The following SPINT2 variants were observed in gnomAD, a reference collection of about 807,000 sequenced individuals.
SPINT2 encodes the protein kunitz-type protease inhibitor 2.
A neutral mutation model predicts 30.1 loss-of-function variants in SPINT2; 18 were observed. That is an observed-to-expected ratio of 0.60 (90% CI 0.41 to 0.89). SPINT2 has a LOEUF of 0.89. Ranked by LOEUF, SPINT2 falls within the 40% of genes least tolerant of loss-of-function variation. The pLI is 0.00. For synonymous variants in SPINT2, 139 were observed against 137.9 expected (o/e 1.01, Z -0.05); for missense variants, 276 against 334.3 (o/e 0.83, Z 1.36).
At chr19:38,288,373 C>A (rs112720365) in intron 3 of SPINT2, 45 of 302,346 alleles carry the variant, frequency 1.5e-4, no homozygotes, top group African/African-American at 9.5e-4. Flanking sequence ...TCCTCTGCCA[C>A]CCCCGCCTCC....
chr19:38,290,255 G>C lies in SPINT2; in HGVS notation c.528G>C (p.Glu176Asp). ...CRGNKNSYRS[E>D]EACMLRCFRQ... ...GCAATAAGAACAGCTACCGCTCTGA[G>C]GAGGCCTGCATGCTCCGCTGCTTCC... The change falls in exon 5 of 7, where the codon GAG becomes GAC. Residue 176 changes from glutamate to aspartate, a missense_variant. By Grantham distance (45) the Glu-to-Asp change is conservative. Transcript: ENST00000301244. The surrounding 1 kb of genome is among the most constrained non-coding windows in gnomAD (Gnocchi z 4.3). 1.2e-6 allele frequency: 2 copies of C among 1,612,244 alleles called. No individual in the cohort carries two copies. The highest frequency in any genetic ancestry group is 1.7e-6 in the Non-Finnish European group (2 of 1,180,002).
chr19:38,291,635 G>A lies in SPINT2; in HGVS notation c.593-205G>A, dbSNP rs1301431647. 2.8e-5 allele frequency: 17 copies of A among 601,856 alleles called. No individual in the cohort carries two copies. In the East Asian group the frequency reaches 3.4e-4, roughly 12 times the overall value. 37.3% of individuals were successfully genotyped at this position (601,856 alleles called of 1,614,324 possible). ...TCTGCTGGCACGCACATAGCATGGCGCCTCCTTTTTTGGGGGACTCTCCTT... is the reference window on the plus strand; with the variant it reads ...TCTGCTGGCACGCACATAGCATGGCACCTCCTTTTTTGGGGGACTCTCCTT... On this transcript the variant is annotated intron_variant, in intron 6 of 6. Transcript: ENST00000301244.
rs1317352177 is a variant in SPINT2 at position 38,268,764 on chromosome 19, C to CGTGT, written c.106+3767_106+3768insTGTG. ...GAGACAGAGAGAGAGCATGCGCGCG[C>CGTGT]GCGTGTGTGTGTGTGTGTGTGTGTG... On this transcript the variant is annotated intron_variant, in intron 1 of 6. Transcript: ENST00000301244. Among the ~76,000 whole-genome samples the CGTGT allele has an allele frequency of 8.2e-3, 1,154 of 141,344 alleles. 18 individuals carry two copies. Among genetic ancestry groups the CGTGT allele is most frequent in the East Asian group, 0.074 (352 of 4,748 alleles). The allele number at this position is 141,344 out of a possible 152,430, so 92.7% of individuals were successfully genotyped here. A position where few individuals can be genotyped will look rare whatever the true frequency, so the allele number is the denominator to read the frequency against.
intron 2 of SPINT2, among the ~76,000 whole-genome samples, chr19:38,284,565 C>T (rs1175805129): frequency 6.6e-6 from 1 of 152,156 alleles, no homozygotes; most frequent in Non-Finnish European, 1.5e-5. Context: ...CACTCCTCCT[C>T]TTCCCAGAAA....
At chr19:38,274,644 C>G (rs1234121674) in intron 1 of SPINT2, among the ~76,000 whole-genome samples, 1 of 151,934 alleles carries the variant, frequency 6.6e-6, no homozygotes, top group Non-Finnish European at 1.5e-5. Context: ...ACAGCAAAAC[C>G]CTATCTACTG....
intron 1 of SPINT2, among the ~76,000 whole-genome samples, chr19:38,267,652 G>GGT (rs1460968261): frequency 1.3e-5 from 2 of 151,992 alleles, no homozygotes; most frequent in African/African-American, 4.8e-5. Context: ...GAGGAAGCGG[G>GGT]GGGGCGAGGG....
chr19:38,264,777 G>A lies in SPINT2; in HGVS notation c.-116G>A, dbSNP rs1674924292. The A allele has an allele frequency of 1.8e-6, 2 of 1,136,708 alleles. No individual in the cohort carries two copies. The highest frequency in any genetic ancestry group is 2.8e-4 in the Middle Eastern group (1 of 3,518). 70.4% of individuals were successfully genotyped at this position (1,136,708 alleles called of 1,614,324 possible). A position where few individuals can be genotyped will look rare whatever the true frequency, so the allele number is the denominator to read the frequency against. Reference sequence around the variant, plus strand: ...GGCACCTGGCGGACCCTCCCGGAGCGTCGGCACCTGAACGCGAGGCGCTCC... The same window carrying A: ...GGCACCTGGCGGACCCTCCCGGAGCATCGGCACCTGAACGCGAGGCGCTCC... On this transcript the variant is annotated 5_prime_UTR_variant, in exon 1 of 7. Coordinates refer to ENST00000301244, the MANE Select transcript of SPINT2 (RefSeq NM_021102.4).
intron 1 of SPINT2, among the ~76,000 whole-genome samples, chr19:38,267,531 C>T (rs1968394045): frequency 6.6e-6 from 1 of 151,932 alleles, no homozygotes; most frequent in South Asian, 2.1e-4. Context: ...AGTTGAGGTT[C>T]TGAAGGGAAT....
Position 38,290,415 on chromosome 19 carries a change from A to G in SPINT2, c.554-122A>G, listed in dbSNP as rs577573910. 2.2e-5 allele frequency: 35 copies of G among 1,593,878 alleles called. No individual in the cohort carries two copies. Among genetic ancestry groups the G allele is most frequent in the Admixed American group, 1.7e-4 (10 of 57,988 alleles). On this transcript the variant is annotated intron_variant, in intron 5 of 6. Transcript: ENST00000301244. This position sits in a 1 kb window ranked among gnomAD's most constrained non-coding sequence, Gnocchi z 4.3. The stretch of plus-strand genomic sequence containing the variant: ...GGCAGCAAGGCCTCTAAGCCCCAGA[A>G]AAGCTGGAAGAAAGCCCCTCAGAAA...
Position 38,291,904 on chromosome 19 carries a change from C to T in SPINT2, c.657C>T (p.Tyr219=). The T allele has an allele frequency of 6.2e-7, 1 of 1,614,048 alleles. No individual in the cohort carries two copies. The highest frequency in any genetic ancestry group is 8.5e-7 in the Non-Finnish European group (1 of 1,180,012). ...LILFLGASMV[Y]LIRVARRNQE... is the part of the protein sequence containing the mutation. ...TCTTCCTGGGAGCCTCCATGGTCTA[C>T]CTGATCCGGGTGGCACGGAGGAACC... The change falls in exon 7 of 7, where the codon TAC becomes TAT. Residue 219 remains tyrosine (Y), a synonymous_variant. Transcript: ENST00000301244.
rs555530407 is a variant in SPINT2 at position 38,264,880 on chromosome 19, G to A, written c.-13G>A. 38 of 1,533,208 alleles carry A rather than the reference G, an allele frequency of 2.5e-5. No homozygotes were observed. In the South Asian group the frequency reaches 4.3e-4, roughly 17 times the overall value. 95.0% of individuals were successfully genotyped at this position (1,533,208 alleles called of 1,614,324 possible). ...GCTGGTGGCGTCGCCTGCGCGTCTC[G>A]GCTGAGCTGGCCATGGCGCAGCTGT... On this transcript the variant is annotated 5_prime_UTR_variant, in exon 1 of 7. Coordinates refer to ENST00000301244, the MANE Select transcript of SPINT2 (RefSeq NM_021102.4).
intron 1 of SPINT2, among the ~76,000 whole-genome samples, chr19:38,281,122 GTC>G (rs2146273306): frequency 1.3e-5 from 2 of 152,278 alleles, no homozygotes; most frequent in East Asian, 3.9e-4. Context: ...GGTGGGCAGA[GTC>G]ACACACCAGA....
At chr19:38,273,736 A>C (rs1968483261) in intron 1 of SPINT2, among the ~76,000 whole-genome samples, 1 of 152,140 alleles carries the variant, frequency 6.6e-6, no homozygotes, top group Non-Finnish European at 1.5e-5. Context: ...CTCCAGGTGA[A>C]GATAAGACAT....
chr19:38,287,411 G>A (rs575844769), intron 2 of SPINT2, among the ~76,000 whole-genome samples: 5 of 152,140 alleles, frequency 3.3e-5, no homozygotes, highest in Admixed American at 6.5e-5. Context: ...TGTCGGCCAG[G>A]ATGGTCTCGA....
Position 38,265,071 on chromosome 19 carries a change from A to C in SPINT2, c.106+73A>C, listed in dbSNP as rs984720372. On this transcript the variant is annotated intron_variant, in intron 1 of 6. Transcript: ENST00000301244. The stretch of plus-strand genomic sequence containing the variant: ...CTCGGGGGTCAACGGGGGTCTGAGC[A>C]GGGAGAACTGGCGGGGGAGGAAACT... 42 of 1,036,136 alleles carry C rather than the reference A, an allele frequency of 4.1e-5. No homozygotes were observed. In the Admixed American group the frequency reaches 6.4e-4, roughly 16 times the overall value. The allele number at this position is 1,036,136 out of a possible 1,614,324, so 64.2% of individuals were successfully genotyped here.
intron 1 of SPINT2, among the ~76,000 whole-genome samples, chr19:38,269,497 C>G (rs1020581146): frequency 6.7e-5 from 10 of 148,978 alleles, no homozygotes; most frequent in African/African-American, 2.2e-4. Context: ...CCTCTGCCTC[C>G]TGGGTTCAAG....
intron 1 of SPINT2, among the ~76,000 whole-genome samples, chr19:38,278,136 T>TC (rs140210785): frequency 6.6e-6 from 1 of 152,318 alleles, no homozygotes; most frequent in African/African-American, 2.4e-5. Context: ...CCTGGCCGTT[T>TC]CCTTTGGTAT....
intron 1 of SPINT2, among the ~76,000 whole-genome samples, chr19:38,268,873 T>TG (rs1218151661): frequency 1.3e-5 from 2 of 151,950 alleles, no homozygotes; most frequent in Non-Finnish European, 2.9e-5. Context: ...CCCACCCAGG[T>TG]GGTAAATCCT....
At chr19:38,268,790 T>TGTGTGTGTGTGTGTGTG (rs1968413034) in intron 1 of SPINT2, among the ~76,000 whole-genome samples, 2 of 151,840 alleles carry the variant, frequency 1.3e-5, no homozygotes, top group Non-Finnish European at 2.9e-5. Flanking sequence ...TGTGTGTGTG[T>TGTGTGTGTGTGTGTGTG]TACGGCTGGC....
Sources: gnomAD v4.1 joint callset for allele counts (sites outside exome capture counted in the v4.1 genomes callset) on GRCh38, gnomAD v4.1.1 for gene constraint, Gnocchi (gnomAD v3.1) non-coding constraint, MANE v1.5 for transcripts, NCBI Gene and HGNC (gene_info 2026-07-23, HGNC 2026-07-21) for gene names.